EGFR: variants seen among roughly 807,000 people sequenced by gnomAD.
EGFR encodes epidermal growth factor receptor.
A neutral mutation model predicts 143.0 loss-of-function variants in EGFR; 58 were observed. The ratio of observed to expected loss-of-function variants is 0.41; its 90% CI spans 0.33 to 0.50. EGFR has a LOEUF of 0.50. Ranked by LOEUF, EGFR falls within the 20% of genes least tolerant of loss-of-function variation. The pLI is 0.39. For synonymous variants in EGFR, 613 were observed against 594.4 expected, an observed-to-expected ratio of 1.03 and a Z score of -0.45; for missense variants, 1,307 against 1,579.0, an observed-to-expected ratio of 0.83 and a Z score of 2.92.
chr7:55,160,396 T>C, intron 12 of EGFR, 58 bp downstream of exon 12: 2 of 1,537,748 alleles, frequency 1.3e-6, no homozygotes, highest in Non-Finnish European at 1.8e-6. Context: ...CCTTTATTTG[T>C]ATTTAGAATA....
chr7:55,069,876 G>A (rs1462826836), intron 1 of EGFR, among the ~76,000 whole-genome samples: 2 of 152,158 alleles, frequency 1.3e-5, no homozygotes, highest in African/African-American at 2.4e-5. Flanking sequence ...ATCATTCTCT[G>A]TCTCTCTGTC....
chr7:55,107,931 A>G (rs1792236818), intron 1 of EGFR, among the ~76,000 whole-genome samples: 1 of 152,244 alleles, frequency 6.6e-6, no homozygotes, highest in Non-Finnish European at 1.5e-5. Context: ...GTGAAGAAAC[A>G]CAGAACAGCT....
chr7:55,088,827 G>T (rs1790926183), intron 1 of EGFR, among the ~76,000 whole-genome samples: 1 of 152,160 alleles, frequency 6.6e-6, no homozygotes, highest in Non-Finnish European at 1.5e-5. Flanking sequence ...CTGGAGACTG[G>T]CCATCCAGCC....
chr7:55,092,780 C>A (rs1791207016), intron 1 of EGFR, among the ~76,000 whole-genome samples: 1 of 152,248 alleles, frequency 6.6e-6, no homozygotes, highest in Non-Finnish European at 1.5e-5. Context: ...GTCAGCCGCT[C>A]CTGGCAGGGC....
intron 1 of EGFR, among the ~76,000 whole-genome samples, chr7:55,039,614 G>A (rs914053213): frequency 2.6e-5 from 4 of 152,176 alleles, no homozygotes; most frequent in Admixed American, 6.5e-5. Context: ...CCAGGCAGTC[G>A]CTTGTGGGTT....
chr7:55,107,327 T>A (rs1792196339), intron 1 of EGFR, among the ~76,000 whole-genome samples: 1 of 152,250 alleles, frequency 6.6e-6, no homozygotes, highest in Admixed American at 6.5e-5. Flanking sequence ...AGAATATTGT[T>A]CCCTCAATCA....
rs6957411 is a variant in EGFR, at chr7:55,116,276, G to A, written c.89-26010G>A. Reference sequence around the variant, plus strand: ...CTTCTCTGCTTCTGCTCTGGGGCCAGCTATTGAGATTCCTGTGCCCACGCA... The same window carrying A: ...CTTCTCTGCTTCTGCTCTGGGGCCAACTATTGAGATTCCTGTGCCCACGCA... On this transcript the variant is annotated intron_variant, in intron 1 of 27. Transcript: ENST00000275493. Among the ~76,000 whole-genome samples, 818 of 152,300 alleles carry A rather than the reference G, an allele frequency of 5.4e-3. 10 individuals are homozygous for A. Among genetic ancestry groups the A allele is most frequent in the African/African-American group, 0.019 (790 of 41,558 alleles).
chr7:55,181,725 G>A, intron 20 of EGFR: 1 of 574,656 alleles, frequency 1.7e-6, no homozygotes, highest in Non-Finnish European at 3.1e-6. Flanking sequence ...TTTATTGAGT[G>A]CTCAGTGTGG....
chr7:55,044,561 C>A (rs1164251793), intron 1 of EGFR, among the ~76,000 whole-genome samples: 1 of 152,154 alleles, frequency 6.6e-6, no homozygotes, highest in East Asian at 1.9e-4. Context: ...GTGCTTCGAG[C>A]GAGTTACCAG....
At position 55,202,608 on chromosome 7, in the gene EGFR, C is replaced by T. The variant is rs2128973158; in HGVS notation, c.3254C>T (p.Thr1085Ile). ...GALTEDSIDD[T>I]FLPVPEYINQ... ...TTGACTGAGGACAGCATAGACGACACCTTCCTCCCAGTGCCTGGTGAGTGG... is the reference window on the plus strand; with the variant it reads ...TTGACTGAGGACAGCATAGACGACATCTTCCTCCCAGTGCCTGGTGAGTGG... Residue 1085 changes from threonine (T) to isoleucine (I), a missense_variant, in exon 27 of 28, where the codon ACC becomes ATC. Thr to Ile is a moderately conservative substitution (Grantham distance 89, BLOSUM62 -1). Coordinates refer to ENST00000275493, the MANE Select transcript of EGFR (RefSeq NM_005228.5). 2 of 1,613,122 alleles carry T rather than the reference C, an allele frequency of 1.2e-6. No homozygotes were observed. Among genetic ancestry groups the T allele is most frequent in the South Asian group, 1.1e-5 (1 of 90,796 alleles).
chr7:55,074,421 T>C (rs937110976), intron 1 of EGFR, among the ~76,000 whole-genome samples: 1 of 152,194 alleles, frequency 6.6e-6, no homozygotes, highest in African/African-American at 2.4e-5. Context: ...AGAATGTGGG[T>C]TTACAGCTGG....
At chr7:55,174,857 C>G (rs2128954985) in intron 19 of EGFR, 37 bp downstream of exon 19, 2 of 1,548,554 alleles carry the variant, frequency 1.3e-6, no homozygotes, top group South Asian at 1.1e-5. Flanking sequence ...GTCCATGGCT[C>G]TGAACCTCAG....
rs370956130 is a variant in EGFR, at chr7:55,157,102, CCT to C, written c.1207+271_1207+272del. On this transcript the variant is annotated intron_variant, in intron 10 of 27. Coordinates refer to ENST00000275493, the MANE Select transcript of EGFR (RefSeq NM_005228.5). ...CCAGCTGCCTTGGTGGCCCATAACCCCTGAGGGTAGAGGGAGGGGACAGGGGT... is the reference window on the plus strand; with the variant it reads ...CCAGCTGCCTTGGTGGCCCATAACCCGAGGGTAGAGGGAGGGGACAGGGGT... Among the ~76,000 whole-genome samples, 374 of 152,322 alleles carry C rather than the reference CCT, an allele frequency of 2.5e-3. 1 individual carries two copies. The highest frequency in any genetic ancestry group is 8.7e-3 in the African/African-American group (360 of 41,570).
At position 55,165,274 on chromosome 7, in the gene EGFR, G is replaced by T. The variant is rs2128946033; in HGVS notation, c.1723-6G>T. On this transcript the variant is annotated splice_polypyrimidine_tract_variant and splice_region_variant and intron_variant, in intron 14 of 27. Transcript: ENST00000275493. ...TGCATGAACATTTTTCTCCACCTTG[G>T]TGCAGGGACCAGACAACTGTATCCA... 6.2e-7 allele frequency: 1 copy of T among 1,614,072 alleles called. No homozygotes were observed. The highest frequency in any genetic ancestry group is 8.5e-7 in the Non-Finnish European group (1 of 1,180,022).
chr7:55,089,123 T>C (rs1790946860), intron 1 of EGFR, among the ~76,000 whole-genome samples: 1 of 152,260 alleles, frequency 6.6e-6, no homozygotes, highest in Non-Finnish European at 1.5e-5. Flanking sequence ...TATGAGCTTA[T>C]GTCATTCATA....
chr7:55,019,339 C>T lies in EGFR; in HGVS notation c.62C>T (p.Ala21Val), dbSNP rs1194702075. 4 of 1,517,118 alleles carry T rather than the reference C, an allele frequency of 2.6e-6. No homozygotes were observed. The highest frequency in any genetic ancestry group is 2.7e-6 in the Non-Finnish European group (3 of 1,127,870). The allele number at this position is 1,517,118 out of a possible 1,614,324, so 94.0% of individuals were successfully genotyped here. ...LLALLAALCP[A>V]SRALEEKKVC... ...GCGCTGCTGGCTGCGCTCTGCCCGG[C>T]GAGTCGGGCTCTGGAGGAAAAGAAA... Residue 21 changes from alanine (A) to valine (V), a missense_variant, in exon 1 of 28, where the codon GCG (alanine) becomes GTG (valine). Ala to Val is a moderately conservative substitution (Grantham distance 64). Around this residue, in one of 7 missense-constraint regions of EGFR, gnomAD observed 65 missense variants for 37.8 expected, o/e 1.72. Coordinates refer to ENST00000275493, the MANE Select transcript of EGFR (RefSeq NM_005228.5).
At chr7:55,169,681 G>C (rs557141390) in intron 15 of EGFR, among the ~76,000 whole-genome samples, 1 of 152,148 alleles carries the variant, frequency 6.6e-6, no homozygotes, top group East Asian at 1.9e-4. Context: ...GTTACCGAGG[G>C]CCTCATCAGC....
chr7:55,113,411 A>C (rs948612024), intron 1 of EGFR, among the ~76,000 whole-genome samples: 1 of 152,204 alleles, frequency 6.6e-6, no homozygotes, highest in African/African-American at 2.4e-5. Flanking sequence ...TTTTTTTCCC[A>C]GGTGAAATAT....
intron 15 of EGFR, chr7:55,170,600 C>G (rs1481482102): frequency 1.9e-6 from 3 of 1,607,276 alleles, no homozygotes; most frequent in Non-Finnish European, 2.5e-6. Flanking sequence ...CACCCCTGCA[C>G]GTGGGCCGCC....
Sources: gnomAD v4.1 joint callset for allele counts (sites outside exome capture counted in the v4.1 genomes callset) on GRCh38, gnomAD v4.1.1 for gene constraint, gnomAD v4.1.1 regional missense constraint, MANE v1.5 for transcripts, NCBI Gene and HGNC (gene_info 2026-07-23, HGNC 2026-07-21) for gene names.